The following SLCO3A1 variants were observed in gnomAD, a reference collection of about 807,000 sequenced individuals.
SLCO3A1 encodes solute carrier organic anion transporter family member 3A1, also known as PGE1 transporter.
In SLCO3A1, 27 loss-of-function variants were observed where a neutral mutation model predicts 63.1. The observed-to-expected ratio is 0.43, with a 90% confidence interval of 0.32 to 0.59. The LOEUF is 0.59. Ranked by LOEUF, SLCO3A1 falls within the 20% of genes least tolerant of loss-of-function variation. The probability of loss-of-function intolerance (pLI) is 0.09; values close to 1 mark genes in which losing one functional copy is unlikely to be tolerated. For missense variants in SLCO3A1, 773 were observed against 945.8 expected (o/e 0.82, Z 2.40); for synonymous variants, 473 against 409.9 (o/e 1.15, Z -1.86).
rs764975989 is a variant in SLCO3A1, at chr15:92,043,663, G to C, written c.647-51218G>C. Among the ~76,000 whole-genome samples the C allele has an allele frequency of 1.2e-4, 18 of 152,178 alleles. 1 individual carries two copies. Among genetic ancestry groups the C allele is most frequent in the Non-Finnish European group, 2.6e-4 (18 of 68,030 alleles). ...CTTTCTTAGCTGAAGTTCCCACCAG[G>C]TTCCTGGTTCACATTTTTCAACCCA... On this transcript the variant is annotated intron_variant, in intron 2 of 9. Transcript: ENST00000318445.
chr15:91,916,565 G>T lies in SLCO3A1; in HGVS notation c.646+107G>T. 1 of 806,988 alleles carries T rather than the reference G, an allele frequency of 1.2e-6. No homozygotes were observed. The highest frequency in any genetic ancestry group is 3.0e-5 in the Admixed American group (1 of 33,596). The allele number at this position is 806,988 out of a possible 1,614,324, so 50.0% of individuals were successfully genotyped here. ...TGCCAGAGTACTGGTTCTCAGACTTGGCTGCACACCTAGTGTTCTTGAAAA... is the reference window on the plus strand; with the variant it reads ...TGCCAGAGTACTGGTTCTCAGACTTTGCTGCACACCTAGTGTTCTTGAAAA... On this transcript the variant is annotated intron_variant, in intron 2 of 9. Coordinates refer to ENST00000318445, the MANE Select transcript of SLCO3A1 (RefSeq NM_013272.4). The surrounding 1 kb of genome is among the most constrained non-coding windows in gnomAD (Gnocchi z 6.2).
At chr15:92,053,696 G>GT (rs56305523) in intron 2 of SLCO3A1, among the ~76,000 whole-genome samples, 93 of 23,928 alleles carry the variant, frequency 3.9e-3, no homozygotes, top group Non-Finnish European at 0.012. Flanking sequence ...TTGTTTGTTT[G>GT]TTTTTTTTTT....
chr15:92,168,305 T>G (rs11855367), downstream of SLCO3A1, among the ~76,000 whole-genome samples: 56,635 of 152,044 alleles, frequency 0.37, 10,766 homozygotes, highest in Admixed American at 0.43. Flanking sequence ...GGTGAGAAGA[T>G]GAGGGCAGAA....
chr15:92,040,032 C>T (rs113351076), intron 2 of SLCO3A1, among the ~76,000 whole-genome samples: 4 of 152,020 alleles, frequency 2.6e-5, no homozygotes, highest in African/African-American at 9.6e-5. Flanking sequence ...CATGCACAAA[C>T]ACCAGGGCCA....
chr15:92,046,514 AGT>A (rs1400250367), intron 2 of SLCO3A1, among the ~76,000 whole-genome samples: 1 of 152,158 alleles, frequency 6.6e-6, no homozygotes, highest in Non-Finnish European at 1.5e-5. Flanking sequence ...TGGGCTACAG[AGT>A]GAGACTCTGT....
intron 2 of SLCO3A1, among the ~76,000 whole-genome samples, chr15:92,045,866 C>T (rs1021877149): frequency 1.3e-5 from 2 of 152,150 alleles, no homozygotes; most frequent in Non-Finnish European, 1.5e-5. Context: ...GCTTCAGTCA[C>T]CCAGTTGCTA....
chr15:92,144,491 C>T (rs1204748210), intron 7 of SLCO3A1, among the ~76,000 whole-genome samples: 1 of 152,214 alleles, frequency 6.6e-6, no homozygotes, highest in East Asian at 1.9e-4. Context: ...ATCTCTGGTA[C>T]AGAGAGGAAC....
At chr15:91,977,926 A>G (rs775210770) in intron 2 of SLCO3A1, among the ~76,000 whole-genome samples, 1 of 152,206 alleles carries the variant, frequency 6.6e-6, no homozygotes, top group East Asian at 1.9e-4. Flanking sequence ...GACCTTGGCT[A>G]TCTTGCTAAT....
chr15:92,059,883 G>A (rs1180640954), intron 2 of SLCO3A1, among the ~76,000 whole-genome samples: 1 of 152,134 alleles, frequency 6.6e-6, no homozygotes, highest in Non-Finnish European at 1.5e-5. Context: ...TTGTCATTGC[G>A]GGGACATCAC....
chr15:92,082,305 A>G (rs915216092), intron 2 of SLCO3A1, among the ~76,000 whole-genome samples: 4 of 152,362 alleles, frequency 2.6e-5, no homozygotes, highest in South Asian at 4.1e-4. Context: ...AGATGTGGCA[A>G]TACATTTATA....
At chr15:91,969,495 G>A (rs1181800854) in intron 2 of SLCO3A1, among the ~76,000 whole-genome samples, 1 of 151,906 alleles carries the variant, frequency 6.6e-6, no homozygotes, top group Non-Finnish European at 1.5e-5. Context: ...TAGTAAAGTA[G>A]GGGGTTTCTC....
Position 91,867,070 on chromosome 15 carries a change from C to T in SLCO3A1, c.180+12982C>T, listed in dbSNP as rs1897183207. Reference sequence around the variant, plus strand: ...GGGGAGGGCTGGAAACCCAGGGCCACAGCCGGGCTGGGGCATGTCAGGGCT... The same window carrying T: ...GGGGAGGGCTGGAAACCCAGGGCCATAGCCGGGCTGGGGCATGTCAGGGCT... On this transcript the variant is annotated intron_variant, in intron 1 of 9. Coordinates refer to ENST00000318445, the MANE Select transcript of SLCO3A1 (RefSeq NM_013272.4). 2.0e-5 allele frequency among the ~76,000 whole-genome samples: 3 copies of T among 152,210 alleles called. No individual in the cohort carries two copies. The South Asian group carries it at 6.2e-4, about 32-fold the overall frequency.
At position 92,107,889 on chromosome 15, in the gene SLCO3A1, C is replaced by T. The variant is rs576814480; in HGVS notation, c.1009+3347C>T. Among the ~76,000 whole-genome samples, 79 of 152,268 alleles carry T rather than the reference C, an allele frequency of 5.2e-4. 1 individual carries two copies. The highest frequency in any genetic ancestry group is 9.7e-4 in the Non-Finnish European group (66 of 68,054). On this transcript the variant is annotated intron_variant, in intron 4 of 9. Transcript: ENST00000318445. Reference sequence around the variant, plus strand: ...ATGCAGCCTTGGCCACATCACTTAACTCCTCTCAGCTTTCACATATGGTGT... The same window carrying T: ...ATGCAGCCTTGGCCACATCACTTAATTCCTCTCAGCTTTCACATATGGTGT...
chr15:92,119,356 A>G (rs1315757563), intron 4 of SLCO3A1, among the ~76,000 whole-genome samples: 1 of 152,268 alleles, frequency 6.6e-6, no homozygotes. Flanking sequence ...ATGAAGTACA[A>G]GACCTCAACA....
At chr15:92,031,573 G>A (rs2151479911) in intron 2 of SLCO3A1, among the ~76,000 whole-genome samples, 5 of 152,296 alleles carry the variant, frequency 3.3e-5, no homozygotes, top group Admixed American at 3.3e-4. Context: ...TGTACACTCT[G>A]TAGAAGTGTG....
chr15:91,927,013 C>T (rs1460905506), intron 2 of SLCO3A1, among the ~76,000 whole-genome samples: 2 of 152,102 alleles, frequency 1.3e-5, no homozygotes, highest in African/African-American at 4.8e-5. Context: ...CATTTAGAGA[C>T]TGGAATGTTG....
At chr15:92,015,254 G>T (rs1020608358) in intron 2 of SLCO3A1, among the ~76,000 whole-genome samples, 1 of 152,082 alleles carries the variant, frequency 6.6e-6, no homozygotes, top group African/African-American at 2.4e-5. Context: ...TTTTCATACT[G>T]CTGTGAAGAT....
intron 4 of SLCO3A1, among the ~76,000 whole-genome samples, chr15:92,106,013 C>A (rs138651494): frequency 6.6e-6 from 1 of 152,310 alleles, no homozygotes; most frequent in South Asian, 2.1e-4. Context: ...CATTAACTGC[C>A]CCCTGCTTCT....
chr15:91,958,505 T>A (rs577351994), intron 2 of SLCO3A1, among the ~76,000 whole-genome samples: 174 of 152,340 alleles, frequency 1.1e-3, no homozygotes, highest in Non-Finnish European at 1.9e-3. Context: ...GTCTGATCCT[T>A]CATTTCTTCA....
Sources: allele counts gnomAD v4.1 joint callset (sites outside exome capture counted in the v4.1 genomes callset), GRCh38; gene constraint gnomAD v4.1.1; non-coding constraint Gnocchi (gnomAD v3.1); transcripts MANE v1.5; gene names NCBI Gene and HGNC (gene_info 2026-07-23, HGNC 2026-07-21).